Variants in CA1 observed in about 807,000 individuals in gnomAD.
CA1 encodes the protein carbonate dehydratase I.
In CA1, 27 loss-of-function variants were observed where a neutral mutation model predicts 28.8. That is an observed-to-expected ratio of 0.94 (90% CI 0.69 to 1.29). The LOEUF (loss-of-function observed/expected upper bound fraction) is 1.29, where lower values mean the gene tolerates loss of function less well. Among genes scored for constraint, CA1 ranks in the 50% most tolerant of loss-of-function variants. The pLI, the probability that CA1 is intolerant of heterozygous loss-of-function variation, is 0.00. For missense variants in CA1, 335 were observed against 310.5 expected (o/e 1.08, Z -0.59); for synonymous variants, 121 against 108.8 (o/e 1.11, Z -0.70).
intron 4 of CA1, among the ~76,000 whole-genome samples, chr8:85,334,135 A>G (rs777914804): frequency 8.5e-5 from 13 of 152,226 alleles, no homozygotes; most frequent in Non-Finnish European, 1.3e-4. Context: ...AAGTATGTAT[A>G]TATGTATTCT....
chr8:85,332,580 G>A (rs1263541469), intron 5 of CA1, 28 bp from the exon 6 acceptor site: 3 of 1,558,170 alleles, frequency 1.9e-6, no homozygotes, highest in Non-Finnish European at 2.7e-6. Flanking sequence ...TAAAGTATGA[G>A]ATAAAGATTA....
chr8:85,371,201 G>A (rs540168227), intron 1 of CA1, among the ~76,000 whole-genome samples: 1 of 152,082 alleles, frequency 6.6e-6, no homozygotes, highest in Non-Finnish European at 1.5e-5. Context: ...CCTAGTAACT[G>A]GGGGTTCTAG....
At chr8:85,351,346 T>C (rs1809403462) in intron 1 of CA1, among the ~76,000 whole-genome samples, 1 of 152,234 alleles carries the variant, frequency 6.6e-6, no homozygotes, top group South Asian at 2.1e-4. Flanking sequence ...TGCTTAAGGA[T>C]TCATGTCCCT....
intron 1 of CA1, among the ~76,000 whole-genome samples, chr8:85,360,219 C>A (rs888793788): frequency 6.6e-6 from 1 of 151,954 alleles, no homozygotes; most frequent in Admixed American, 6.6e-5. Flanking sequence ...TTTTTCATAC[C>A]TTAAATAGAA....
At chr8:85,374,324 T>G (rs1360496727) in intron 1 of CA1, among the ~76,000 whole-genome samples, 1 of 152,130 alleles carries the variant, frequency 6.6e-6, no homozygotes, top group African/African-American at 2.4e-5. Flanking sequence ...ATAGCAAAAA[T>G]TTTATATTAT....
chr8:85,329,813 G>T lies in CA1; in HGVS notation c.545C>A (p.Pro182His). The T allele has an allele frequency of 1.9e-6, 3 of 1,599,306 alleles. No homozygotes were observed. The highest frequency in any genetic ancestry group is 2.3e-5 in the East Asian group (1 of 44,338). Reference sequence around the variant, plus strand: ...CAGGGATGAAGGAAGGAGAGTAGAGGGGTCAAAATTTGTGAATGGGGCTCG... The same window carrying T: ...CAGGGATGAAGGAAGGAGAGTAGAGTGGTCAAAATTTGTGAATGGGGCTCG... ...GKRAPFTNFD[P>H]STLLPSSLDF... Residue 182 changes from proline to histidine, a missense_variant, in exon 7 of 8, where the codon CCC (proline) becomes CAC (histidine). Pro to His is a moderately conservative substitution (Grantham distance 77). Coordinates refer to ENST00000523022, the MANE Select transcript of CA1 (RefSeq NM_001128831.4).
chr8:85,368,633 TTTGAGTTTCCCTATAA>T (rs1415470798), intron 1 of CA1, among the ~76,000 whole-genome samples: 4 of 152,156 alleles, frequency 2.6e-5, no homozygotes, highest in Non-Finnish European at 4.4e-5. Flanking sequence ...AGTGTGCTCT[TTTGAGTTTCCCTATAA>T]TTGTTCAAGA....
At position 85,329,850 on chromosome 8, in the gene CA1, A is replaced by G; in HGVS notation, c.514-6T>C. ...GTGAATGGGGCTCGTTTGCCCTGGA[A>G]GAAAAGAATACATCATTACAGCATG... On this transcript the variant is annotated splice_region_variant and splice_polypyrimidine_tract_variant and intron_variant, in intron 6 of 7. Coordinates refer to ENST00000523022, the MANE Select transcript of CA1 (RefSeq NM_001128831.4). 6.4e-7 allele frequency: 1 copy of G among 1,574,632 alleles called. No homozygotes were observed. Among genetic ancestry groups the G allele is most frequent in the Non-Finnish European group, 8.7e-7 (1 of 1,155,928 alleles).
chr8:85,349,690 A>G (rs1233031784), intron 1 of CA1: 1 of 152,158 alleles, frequency 6.6e-6, no homozygotes, highest in Non-Finnish European at 1.5e-5. Context: ...ATCCCTACTG[A>G]GGCTCTTTCA....
intron 1 of CA1, among the ~76,000 whole-genome samples, chr8:85,346,014 A>G (rs1242419274): frequency 6.6e-6 from 1 of 152,170 alleles, no homozygotes; most frequent in Non-Finnish European, 1.5e-5. Context: ...CCTGTCTTGG[A>G]ACATTTTATT....
At chr8:85,329,640 G>C (rs746846900) in intron 7 of CA1, 49 bp downstream of exon 7, 1 of 1,483,350 alleles carries the variant, frequency 6.7e-7, no homozygotes, top group African/African-American at 1.4e-5. Context: ...ATCAATTAAA[G>C]TAATATTCCT....
chr8:85,371,970 G>A (rs955756312), intron 1 of CA1, among the ~76,000 whole-genome samples: 13 of 152,150 alleles, frequency 8.5e-5, no homozygotes, highest in African/African-American at 2.4e-4. Flanking sequence ...GACAGAAGAT[G>A]AGTGAGGAGC....
intron 2 of CA1, among the ~76,000 whole-genome samples, chr8:85,339,521 A>G (rs1432216837): frequency 1.3e-5 from 2 of 152,172 alleles, no homozygotes; most frequent in South Asian, 2.1e-4. Context: ...ATTGAAATTA[A>G]TCTGTTTAAT....
At chr8:85,346,778 A>G (rs1379757525) in intron 1 of CA1, among the ~76,000 whole-genome samples, 1 of 152,186 alleles carries the variant, frequency 6.6e-6, no homozygotes, top group East Asian at 1.9e-4. Flanking sequence ...AAATAAATAA[A>G]TAATAAAATT....
At chr8:85,333,797 G>A (rs533699339) in intron 4 of CA1, among the ~76,000 whole-genome samples, 177 bp from the exon 5 acceptor site, 2 of 152,188 alleles carry the variant, frequency 1.3e-5, no homozygotes, top group African/African-American at 4.8e-5. Context: ...AGGGTTATCT[G>A]TGTGCCAGGT....
intron 1 of CA1, among the ~76,000 whole-genome samples, chr8:85,354,294 T>C (rs369998161): frequency 0.042 from 2,323 of 55,592 alleles, 27 homozygotes; most frequent in South Asian, 0.09. Context: ...TTCTTTTTTT[T>C]CTTTTTTTTT....
intron 1 of CA1, among the ~76,000 whole-genome samples, chr8:85,377,406 T>C (rs1284772767): frequency 6.6e-6 from 1 of 152,220 alleles, no homozygotes. Flanking sequence ...ATTGATATAA[T>C]ATATAATATT....
At chr8:85,375,714 G>A (rs937850378) in intron 1 of CA1, among the ~76,000 whole-genome samples, 1 of 152,148 alleles carries the variant, frequency 6.6e-6, no homozygotes. Context: ...ATAACTCGAG[G>A]TGCAGTGAAG....
At position 85,345,173 on chromosome 8, in the gene CA1, G is replaced by A. The variant is rs193201416; in HGVS notation, c.-24-3514C>T. Among the ~76,000 whole-genome samples, 122 of 152,270 alleles carry A rather than the reference G, an allele frequency of 8.0e-4. 2 individuals carry two copies. The South Asian group carries it at 0.01, about 13-fold the overall frequency. ...TTCTCATCACCTGTAACAAAGCTGT[G>A]TTGGTAACTTTATTCCTTCCAATGT... On this transcript the variant is annotated intron_variant, in intron 1 of 7. Transcript: ENST00000523022.
Sources: gnomAD v4.1 joint callset for allele counts (sites outside exome capture counted in the v4.1 genomes callset) on GRCh38, gnomAD v4.1.1 for gene constraint, MANE v1.5 for transcripts, NCBI Gene and HGNC (gene_info 2026-07-23, HGNC 2026-07-21) for gene names.